The following MYO1D variants were observed in gnomAD, a reference collection of about 807,000 sequenced individuals.
MYO1D encodes the protein myosin ID, also known as unconventional myosin-Id.
In MYO1D, 83 loss-of-function variants were observed where a neutral mutation model predicts 122.0. The observed-to-expected ratio is 0.68, with a 90% CI of 0.57 to 0.82. The LOEUF (loss-of-function observed/expected upper bound fraction) is 0.82, where lower values mean the gene tolerates loss of function less well. Among genes scored for constraint, MYO1D ranks in the 40% least tolerant of loss-of-function variants. The pLI is 0.00. For missense variants in MYO1D, 1,157 were observed against 1,269.5 expected, an observed-to-expected ratio of 0.91 and a Z score of 1.35; for synonymous variants, 464 against 446.9, an observed-to-expected ratio of 1.04 and a Z score of -0.48.
At chr17:32,718,672 C>T (rs934077489) in intron 15 of MYO1D, among the ~76,000 whole-genome samples, 1 of 151,870 alleles carries the variant, frequency 6.6e-6, no homozygotes, top group Admixed American at 6.6e-5. Context: ...TGTACTCCAG[C>T]TTGGGTGACA....
chr17:32,780,314 C>T (rs2090222004), intron 2 of MYO1D, among the ~76,000 whole-genome samples: 1 of 152,098 alleles, frequency 6.6e-6, no homozygotes, highest in Admixed American at 6.5e-5. Context: ...GAGATGGAAA[C>T]ATTTTCCATG....
intron 14 of MYO1D, among the ~76,000 whole-genome samples, chr17:32,726,586 T>C (rs1249338794): frequency 6.7e-6 from 1 of 150,034 alleles, no homozygotes; most frequent in Non-Finnish European, 1.5e-5. Context: ...ATATTATATC[T>C]ATATCATCTA....
At chr17:32,764,682 T>TAGA (rs1162998511) in intron 8 of MYO1D, among the ~76,000 whole-genome samples, 196 bp downstream of exon 8, 3 of 152,190 alleles carry the variant, frequency 2.0e-5, no homozygotes, top group Non-Finnish European at 4.4e-5. Flanking sequence ...CTTCCACTCT[T>TAGA]CTCAGAACCT....
At chr17:32,796,774 A>G (rs2090420653) in intron 1 of MYO1D, among the ~76,000 whole-genome samples, 1 of 152,160 alleles carries the variant, frequency 6.6e-6, no homozygotes. Context: ...ACTAAATAGA[A>G]TAAACTTAAG....
chr17:32,647,919 C>G (rs144593824), intron 19 of MYO1D, among the ~76,000 whole-genome samples: 1 of 152,038 alleles, frequency 6.6e-6, no homozygotes, highest in African/African-American at 2.4e-5. Flanking sequence ...TAAAAAGCCC[C>G]TATCACACTG....
chr17:32,588,045 T>G (rs1343734256), intron 21 of MYO1D, among the ~76,000 whole-genome samples: 2 of 152,262 alleles, frequency 1.3e-5, no homozygotes, highest in African/African-American at 4.8e-5. Context: ...ATAAATTTGG[T>G]AAATTAGATG....
At chr17:32,583,716 G>T (rs569275142) in intron 21 of MYO1D, among the ~76,000 whole-genome samples, 2 of 151,520 alleles carry the variant, frequency 1.3e-5, no homozygotes, top group South Asian at 2.1e-4. Context: ...CTAAAAGTTC[G>T]ATTTGAGTCT....
chr17:32,755,126 A>G (rs1567625466), intron 11 of MYO1D, among the ~76,000 whole-genome samples: 1 of 152,194 alleles, frequency 6.6e-6, no homozygotes, highest in Non-Finnish European at 1.5e-5. Flanking sequence ...GACAAAAGCT[A>G]TTTTCCATGC....
At chr17:32,839,616 G>T (rs1256847212) in intron 1 of MYO1D, among the ~76,000 whole-genome samples, 1 of 152,144 alleles carries the variant, frequency 6.6e-6, no homozygotes, top group Non-Finnish European at 1.5e-5. Context: ...GAGGATGAAG[G>T]GAAGCATGGG....
intron 14 of MYO1D, among the ~76,000 whole-genome samples, chr17:32,728,860 G>A (rs952187605): frequency 2.0e-5 from 3 of 152,262 alleles, no homozygotes; most frequent in Non-Finnish European, 4.4e-5. Context: ...GAGTGATTAC[G>A]CATAGGAAGT....
chr17:32,838,193 G>A (rs1190900251), intron 1 of MYO1D, among the ~76,000 whole-genome samples: 1 of 151,996 alleles, frequency 6.6e-6, no homozygotes, highest in Non-Finnish European at 1.5e-5. Context: ...TAATGCCTTA[G>A]CAACCTTTTT....
At chr17:32,626,070 C>T (rs1012544418) in intron 20 of MYO1D, among the ~76,000 whole-genome samples, 1 of 152,210 alleles carries the variant, frequency 6.6e-6, no homozygotes, top group African/African-American at 2.4e-5. Context: ...ACGGGGCTGC[C>T]ACAGTGAGCA....
chr17:32,577,630 A>G (rs1229257840), intron 21 of MYO1D, among the ~76,000 whole-genome samples: 1 of 146,126 alleles, frequency 6.8e-6, no homozygotes, highest in Non-Finnish European at 1.5e-5. Flanking sequence ...CTCATAGTCT[A>G]GTCACAAAAA....
intron 21 of MYO1D, chr17:32,510,629 G>A (rs921502511): frequency 6.6e-6 from 1 of 152,180 alleles, no homozygotes; most frequent in East Asian, 1.9e-4. Context: ...CAAAAGCTTC[G>A]TATGCTTTGT....
chr17:32,762,971 G>A (rs1204256669), intron 8 of MYO1D, among the ~76,000 whole-genome samples: 1 of 151,742 alleles, frequency 6.6e-6, no homozygotes, highest in African/African-American at 2.4e-5. Flanking sequence ...TGGATCACAA[G>A]GTCAGGAGAT....
intron 16 of MYO1D, among the ~76,000 whole-genome samples, chr17:32,670,526 A>G (rs2088701926): frequency 6.6e-6 from 1 of 152,126 alleles, no homozygotes; most frequent in Non-Finnish European, 1.5e-5. Flanking sequence ...CCCTGGTGCG[A>G]CCTTACCTTC....
chr17:32,804,052 G>A (rs886957353), intron 1 of MYO1D, among the ~76,000 whole-genome samples: 1 of 152,146 alleles, frequency 6.6e-6, no homozygotes, highest in African/African-American at 2.4e-5. Context: ...CCAGCAGAGG[G>A]TTGGTTCCAG....
intron 1 of MYO1D, among the ~76,000 whole-genome samples, chr17:32,824,240 A>G (rs2090701816): frequency 6.6e-6 from 1 of 152,180 alleles, no homozygotes; most frequent in East Asian, 1.9e-4. Flanking sequence ...CAAGAGATTC[A>G]TTTGGAACAA....
chr17:32,731,310 G>A (rs1167282622), intron 14 of MYO1D, among the ~76,000 whole-genome samples: 1 of 152,132 alleles, frequency 6.6e-6, no homozygotes, highest in African/African-American at 2.4e-5. Context: ...TCAGCTTTAT[G>A]TAAACTGATG....
Sources: gnomAD v4.1 joint callset for allele counts (sites outside exome capture counted in the v4.1 genomes callset) on GRCh38, gnomAD v4.1.1 for gene constraint, MANE v1.5 for transcripts, NCBI Gene and HGNC (gene_info 2026-07-23, HGNC 2026-07-21) for gene names.